The following RBFOX1 variants were observed in gnomAD, a reference collection of about 807,000 sequenced individuals.
The protein encoded by RBFOX1 is RNA binding protein fox-1 homolog 1.
In RBFOX1, 8 loss-of-function variants were observed where a neutral mutation model predicts 57.7. That is an observed-to-expected ratio of 0.14 (90% CI 0.08 to 0.25). RBFOX1 has a LOEUF of 0.25. RBFOX1 is among the 10% of genes least tolerant of loss of function. The probability of loss-of-function intolerance (pLI) is 1.00; values close to 1 mark genes in which losing one functional copy is unlikely to be tolerated. For missense variants in RBFOX1, 611 were observed against 548.5 expected, an observed-to-expected ratio of 1.11 and a Z score of -1.14; for synonymous variants, 326 against 222.4, an observed-to-expected ratio of 1.47 and a Z score of -4.15.
intron 4 of RBFOX1, among the ~76,000 whole-genome samples, chr16:6,005,319 C>T (rs2060673945): frequency 6.6e-6 from 1 of 152,146 alleles, no homozygotes; most frequent in Non-Finnish European, 1.5e-5. Context: ...TTTCATAAGC[C>T]CATCTGGACA....
intron 1 of RBFOX1, among the ~76,000 whole-genome samples, chr16:6,309,857 G>A (rs189702237): frequency 6.6e-5 from 10 of 152,308 alleles, no homozygotes; most frequent in East Asian, 1.9e-4. Context: ...TGTGTAATGC[G>A]TTTGTTTCTT....
At chr16:5,349,703 A>G (rs971693101) in intron 1 of RBFOX1, among the ~76,000 whole-genome samples, 3 of 152,138 alleles carry the variant, frequency 2.0e-5, no homozygotes, top group East Asian at 1.9e-4. Flanking sequence ...AAGAGAGTAC[A>G]TTTCATTTTA....
At chr16:6,997,779 A>C (rs527247643) in intron 3 of RBFOX1, among the ~76,000 whole-genome samples, 45 of 152,266 alleles carry the variant, frequency 3.0e-4, no homozygotes, top group African/African-American at 1.0e-3. Context: ...AGACTACTCA[A>C]TTCCCTGTTT....
At chr16:6,439,621 T>G (rs2094324706) in intron 2 of RBFOX1, among the ~76,000 whole-genome samples, 1 of 152,112 alleles carries the variant, frequency 6.6e-6, no homozygotes, top group African/African-American at 2.4e-5. Flanking sequence ...ACAAATTGTT[T>G]CCCCGAACCA....
At chr16:7,010,103 G>T (rs184756013) in intron 3 of RBFOX1, among the ~76,000 whole-genome samples, 1 of 152,194 alleles carries the variant, frequency 6.6e-6, no homozygotes, top group African/African-American at 2.4e-5. Context: ...GTTTGCCTAA[G>T]GGCATGAACT....
At chr16:7,301,460 G>A (rs1261532730) in intron 4 of RBFOX1, among the ~76,000 whole-genome samples, 2 of 151,944 alleles carry the variant, frequency 1.3e-5, no homozygotes, top group Non-Finnish European at 2.9e-5. Context: ...TAAGTTTAAG[G>A]GAATGTCAGA....
At chr16:6,957,552 G>A (rs1161458142) in intron 3 of RBFOX1, among the ~76,000 whole-genome samples, 2 of 152,098 alleles carry the variant, frequency 1.3e-5, no homozygotes, top group Non-Finnish European at 2.9e-5. Context: ...ACGATCAGAG[G>A]TGACTCTCAT....
At chr16:6,462,116 A>C (rs2094934061) in intron 2 of RBFOX1, among the ~76,000 whole-genome samples, 1 of 152,188 alleles carries the variant, frequency 6.6e-6, no homozygotes, top group Admixed American at 6.5e-5. Flanking sequence ...TAAAATCCTT[A>C]TATTAGTCAT....
At chr16:6,694,760 C>T (rs560803880) in intron 3 of RBFOX1, among the ~76,000 whole-genome samples, 2 of 152,258 alleles carry the variant, frequency 1.3e-5, no homozygotes, top group South Asian at 2.1e-4. Flanking sequence ...TCCAGCATTG[C>T]CTCTCATTTA....
chr16:6,925,650 C>CT, intron 3 of RBFOX1, among the ~76,000 whole-genome samples: 1 of 151,924 alleles, frequency 6.6e-6, no homozygotes, highest in Middle Eastern at 3.4e-3. Flanking sequence ...CTACAAAGGG[C>CT]TTAGGGTAGG....
chr16:6,333,636 A>G lies in RBFOX1; in HGVS notation c.-64+16579A>G, dbSNP rs566879596. Among the ~76,000 whole-genome samples the G allele has an allele frequency of 2.0e-4, 31 of 152,306 alleles. 1 individual carries two copies. The South Asian group carries it at 6.4e-3, about 32-fold the overall frequency. On this transcript the variant is annotated intron_variant, in intron 2 of 15. Transcript: ENST00000550418. ...AAACTCTTAAAATTAAAAAATATAT[A>G]TATCAGAAATGGATACAGGCTTATT...
At chr16:6,185,510 A>G (rs2097099473) in intron 1 of RBFOX1, among the ~76,000 whole-genome samples, 1 of 152,172 alleles carries the variant, frequency 6.6e-6, no homozygotes, top group South Asian at 2.1e-4. Flanking sequence ...TTCCTTTCCT[A>G]TCCCCAGCCT....
chr16:6,310,986 A>G (rs2080205072), intron 1 of RBFOX1, among the ~76,000 whole-genome samples: 2 of 152,042 alleles, frequency 1.3e-5, no homozygotes, highest in African/African-American at 2.4e-5. Context: ...ATGCTAGGAC[A>G]TTTCAATTTA....
In RBFOX1 at chr16:6,238,169, GC is replaced by G. The variant is rs1019286693; in HGVS notation, c.-126-78824del. Among the ~76,000 whole-genome samples, 9 of 151,398 alleles carry G rather than the reference GC, an allele frequency of 5.9e-5. 1 individual carries two copies. Among genetic ancestry groups the G allele is most frequent in the Admixed American group, 5.3e-4 (8 of 15,180 alleles). On this transcript the variant is annotated intron_variant, in intron 1 of 15. Coordinates refer to ENST00000550418, the MANE Select transcript of RBFOX1 (RefSeq NM_018723.4). ...AATTAGAAATGTCTGTGAAGTATCT[GC>G]CACTTAGATGACATAAAAATATTGC...
At chr16:6,968,124 G>T (rs369214017) in intron 3 of RBFOX1, among the ~76,000 whole-genome samples, 131 of 152,202 alleles carry the variant, frequency 8.6e-4, no homozygotes, top group African/African-American at 2.9e-3. Context: ...TTGCAACCCC[G>T]CACAGACACC....
intron 3 of RBFOX1, among the ~76,000 whole-genome samples, chr16:6,763,955 A>G (rs1306121907): frequency 1.3e-5 from 2 of 152,270 alleles, no homozygotes; most frequent in South Asian, 4.1e-4. Context: ...AGTCCTGGAG[A>G]AAGTTGAATC....
intron 1 of RBFOX1, among the ~76,000 whole-genome samples, chr16:5,323,795 T>C (rs2151256220): frequency 6.6e-6 from 1 of 152,322 alleles, no homozygotes; most frequent in East Asian, 1.9e-4. Context: ...TCTGTGAACA[T>C]CTGCCCATCA....
rs534366682 is a variant in RBFOX1 at position 6,491,258 on chromosome 16, G to A, written c.-63-163345G>A. ...GTTTAATTGATGAAAGAAAGAATGG[G>A]AAGTTGGATTTAAAATAGCCATTTT... On this transcript the variant is annotated intron_variant, in intron 2 of 15. Transcript: ENST00000550418. 2.7e-4 allele frequency among the ~76,000 whole-genome samples: 41 copies of A among 151,606 alleles called. No homozygotes were observed. The East Asian group carries it at 8.0e-3, about 29-fold the overall frequency.
At chr16:7,259,032 A>C (rs2094811672) in intron 4 of RBFOX1, among the ~76,000 whole-genome samples, 1 of 152,070 alleles carries the variant, frequency 6.6e-6, no homozygotes, top group African/African-American at 2.4e-5. Context: ...ACTAGTGATC[A>C]CGTCTACCTT....
Sources: gnomAD v4.1 joint callset for allele counts (sites outside exome capture counted in the v4.1 genomes callset) on GRCh38, gnomAD v4.1.1 for gene constraint, MANE v1.5 for transcripts, NCBI Gene and HGNC (gene_info 2026-07-23, HGNC 2026-07-21) for gene names.